The following CDH13 variants were observed in gnomAD, a reference collection of about 807,000 sequenced individuals.
CDH13 encodes the protein cadherin-13.
In CDH13, 24 loss-of-function variants were observed where a neutral mutation model predicts 63.8. The ratio of observed to expected loss-of-function variants is 0.38; its 90% CI spans 0.27 to 0.53. CDH13 has a LOEUF of 0.53. Among genes scored for constraint, CDH13 ranks in the 20% least tolerant of loss-of-function variants. The probability of loss-of-function intolerance (pLI) is 0.85; values close to 1 mark genes in which losing one functional copy is unlikely to be tolerated. For missense variants in CDH13, 1,049 were observed against 903.1 expected, an observed-to-expected ratio of 1.16 and a Z score of -2.07; for synonymous variants, 503 against 355.3, an observed-to-expected ratio of 1.42 and a Z score of -4.67.
chr16:83,356,123 C>A (rs2091048953), intron 6 of CDH13, among the ~76,000 whole-genome samples: 1 of 151,864 alleles, frequency 6.6e-6, no homozygotes, highest in South Asian at 2.1e-4. Context: ...ACTATTTCAC[C>A]CGTGATGATG....
chr16:83,395,175 G>A (rs925565998), intron 6 of CDH13, among the ~76,000 whole-genome samples: 1 of 149,784 alleles, frequency 6.7e-6, no homozygotes, highest in Admixed American at 6.7e-5. Context: ...ATAGCTGGGT[G>A]TGGTGGCATG....
intron 8 of CDH13, among the ~76,000 whole-genome samples, chr16:83,603,087 C>A (rs118134831): frequency 0.018 from 2,741 of 152,280 alleles, 27 homozygotes; most frequent in Middle Eastern, 0.058. Context: ...CATTCTCAGT[C>A]CCTGTGCTTT....
At chr16:82,705,988 C>T (rs1032923110) in intron 1 of CDH13, among the ~76,000 whole-genome samples, 8 of 151,996 alleles carry the variant, frequency 5.3e-5, no homozygotes, top group East Asian at 1.9e-4. Flanking sequence ...CCCAGGTTAT[C>T]TACCCTTCCC....
intron 3 of CDH13, among the ~76,000 whole-genome samples, chr16:83,065,677 C>T (rs543312950): frequency 1.1e-4 from 17 of 150,178 alleles, no homozygotes; most frequent in African/African-American, 3.9e-4. Context: ...TGCATTCTAG[C>T]CTGGGTGACA....
At chr16:82,753,526 C>T (rs1324510993) in intron 1 of CDH13, among the ~76,000 whole-genome samples, 1 of 152,144 alleles carries the variant, frequency 6.6e-6, no homozygotes, top group African/African-American at 2.4e-5. Flanking sequence ...TAGATATTGC[C>T]CCATGCATGG....
intron 4 of CDH13, among the ~76,000 whole-genome samples, chr16:83,132,639 T>G (rs2151658776): frequency 6.6e-6 from 1 of 151,942 alleles, no homozygotes; most frequent in African/African-American, 2.4e-5. Context: ...AGAGACAGGG[T>G]TTCACCATGT....
chr16:83,304,546 A>C (rs1383917935), intron 5 of CDH13, among the ~76,000 whole-genome samples: 1 of 152,214 alleles, frequency 6.6e-6, no homozygotes, highest in Non-Finnish European at 1.5e-5. Flanking sequence ...TTAATACAGA[A>C]TGACTATCAA....
At chr16:83,718,975 G>A (rs557776347) in intron 10 of CDH13, among the ~76,000 whole-genome samples, 7 of 152,306 alleles carry the variant, frequency 4.6e-5, no homozygotes, top group African/African-American at 1.2e-4. Flanking sequence ...GCCTTTGGCT[G>A]CTGGTGCAAG....
chr16:82,957,886 T>C (rs1217273468), intron 2 of CDH13, among the ~76,000 whole-genome samples: 1 of 152,222 alleles, frequency 6.6e-6, no homozygotes, highest in Non-Finnish European at 1.5e-5. Context: ...GGAGACATGA[T>C]AGCTGGAAAA....
At chr16:83,606,896 G>A (rs79633414) in intron 8 of CDH13, among the ~76,000 whole-genome samples, 177 of 152,160 alleles carry the variant, frequency 1.2e-3, no homozygotes, top group Non-Finnish European at 2.0e-3. Flanking sequence ...CAGGAAGTAA[G>A]AAGCAGGGAA....
At chr16:83,037,289 C>CT (rs1331949795) in intron 3 of CDH13, among the ~76,000 whole-genome samples, 8 of 152,134 alleles carry the variant, frequency 5.3e-5, no homozygotes, top group African/African-American at 1.9e-4. Flanking sequence ...ATATGGGAAC[C>CT]TTGCCAAGAG....
chr16:82,736,553 A>G (rs186306838), intron 1 of CDH13, among the ~76,000 whole-genome samples: 33 of 152,246 alleles, frequency 2.2e-4, no homozygotes, highest in African/African-American at 7.7e-4. Context: ...TCCCATTCCA[A>G]TGCCTGGTAC....
intron 6 of CDH13, among the ~76,000 whole-genome samples, chr16:83,382,824 C>T (rs1004937157): frequency 6.6e-6 from 1 of 152,182 alleles, no homozygotes; most frequent in Non-Finnish European, 1.5e-5. Flanking sequence ...CTGGAGCTGA[C>T]TTTGCACTCC....
At chr16:82,876,447 C>G (rs148191820) in intron 2 of CDH13, among the ~76,000 whole-genome samples, 1 of 152,106 alleles carries the variant, frequency 6.6e-6, no homozygotes, top group Non-Finnish European at 1.5e-5. Flanking sequence ...AAGTTTTGAA[C>G]CTTTTTTCTT....
At chr16:83,050,182 C>A (rs150517158) in intron 3 of CDH13, among the ~76,000 whole-genome samples, 1 of 152,244 alleles carries the variant, frequency 6.6e-6, no homozygotes, top group Admixed American at 6.5e-5. Flanking sequence ...AGACCCGGGC[C>A]TCCTTCTGCC....
intron 1 of CDH13, among the ~76,000 whole-genome samples, chr16:82,856,391 A>T (rs1272664387): frequency 6.4e-5 from 1 of 15,698 alleles, no homozygotes; most frequent in African/African-American, 1.4e-4. Flanking sequence ...AAAAAAAAAG[A>T]AAAGAAAAGA....
chr16:83,356,313 A>T (rs2091055860), intron 6 of CDH13, among the ~76,000 whole-genome samples: 1 of 151,590 alleles, frequency 6.6e-6, no homozygotes, highest in Non-Finnish European at 1.5e-5. Flanking sequence ...TAGTCATTTT[A>T]TAGTAGCCCA....
chr16:83,562,067 G>C (rs1216489065), intron 7 of CDH13, among the ~76,000 whole-genome samples: 3 of 152,294 alleles, frequency 2.0e-5, no homozygotes, highest in East Asian at 1.9e-4. Context: ...AGCTCATGGT[G>C]ATGTCCAAGT....
chr16:82,652,127 T>A (rs1003874338), intron 1 of CDH13, among the ~76,000 whole-genome samples: 1 of 152,220 alleles, frequency 6.6e-6, no homozygotes, highest in Non-Finnish European at 1.5e-5. Flanking sequence ...GTCACTAGCA[T>A]CCGAGGCAAG....
Sources: gnomAD v4.1 joint callset for allele counts (sites outside exome capture counted in the v4.1 genomes callset) on GRCh38, gnomAD v4.1.1 for gene constraint, MANE v1.5 for transcripts, NCBI Gene and HGNC (gene_info 2026-07-23, HGNC 2026-07-21) for gene names.